The following YIPF4 variants were observed in gnomAD, a reference collection of about 807,000 sequenced individuals.
The protein encoded by YIPF4 is Yip1 domain family member 4, also known as protein YIPF4.
In YIPF4, 18 loss-of-function variants were observed where a neutral mutation model predicts 29.4. The ratio of observed to expected loss-of-function variants is 0.61; its 90% CI spans 0.42 to 0.91. YIPF4 has a LOEUF of 0.91. Ranked by LOEUF, YIPF4 falls within the 40% of genes least tolerant of loss-of-function variation. The pLI, the probability that YIPF4 is intolerant of heterozygous loss-of-function variation, is 0.00. For synonymous variants in YIPF4, 115 were observed against 104.7 expected (o/e 1.10, Z -0.60); for missense variants, 279 against 282.7 (o/e 0.99, Z 0.09).
chr2:32,292,140 T>G lies in YIPF4; in HGVS notation c.234-37T>G, dbSNP rs116603596. On this transcript the variant is annotated intron_variant, in intron 2 of 5. Coordinates refer to ENST00000238831, the MANE Select transcript of YIPF4 (RefSeq NM_032312.4). Reference sequence around the variant, plus strand: ...TTGGAATTGTTTTAGTATTCAGAAATGTGTGCCTTTTGAGAATTTTTATTT... The same window carrying G: ...TTGGAATTGTTTTAGTATTCAGAAAGGTGTGCCTTTTGAGAATTTTTATTT... 87 of 1,331,202 alleles carry G rather than the reference T, an allele frequency of 6.5e-5. No individual in the cohort carries two copies. The African/African-American group carries it at 1.1e-3, about 17-fold the overall frequency. 82.5% of individuals were successfully genotyped at this position (1,331,202 alleles called of 1,614,324 possible). A position where few individuals can be genotyped will look rare whatever the true frequency, so the allele number is the denominator to read the frequency against.
chr2:32,289,427 A>G (rs2030819868), intron 1 of YIPF4, among the ~76,000 whole-genome samples: 1 of 152,176 alleles, frequency 6.6e-6, no homozygotes, highest in African/African-American at 2.4e-5. Flanking sequence ...TTTTTAAGGA[A>G]GCTAACTTTG....
rs1469587430 is a variant in YIPF4, at chr2:32,293,730, A to G, written c.405+1382A>G. Among the ~76,000 whole-genome samples, 15 of 116,168 alleles carry G rather than the reference A, an allele frequency of 1.3e-4. No individual in the cohort carries two copies. The South Asian group carries it at 4.3e-3, about 33-fold the overall frequency. 76.2% of individuals were successfully genotyped at this position (116,168 alleles called of 152,430 possible). On this transcript the variant is annotated intron_variant, in intron 3 of 5. Coordinates refer to ENST00000238831, the MANE Select transcript of YIPF4 (RefSeq NM_032312.4). ...TGGCCGGGCGGGGGGCTGACCCCCC[A>G]ACCTCCCGGACGGGGCGGCTGGCCG...
intron 1 of YIPF4, among the ~76,000 whole-genome samples, chr2:32,284,477 C>A (rs890085968): frequency 1.3e-5 from 2 of 152,122 alleles, no homozygotes; most frequent in Admixed American, 1.3e-4. Context: ...ATAGTGAGTT[C>A]TCACAAGGTC....
At chr2:32,298,442 T>G in intron 4 of YIPF4, 131 bp downstream of exon 4, 1 of 625,460 alleles carries the variant, frequency 1.6e-6, no homozygotes, top group African/African-American at 1.8e-5. Flanking sequence ...TCCTTTAAGA[T>G]GATCAACATA....
intron 5 of YIPF4, 27 bp from the exon 6 acceptor site, chr2:32,305,462 C>T (rs746913517): frequency 6.9e-7 from 1 of 1,455,054 alleles, no homozygotes; most frequent in African/African-American, 1.4e-5. Flanking sequence ...AATATGCTGC[C>T]TTTTGTCTTT....
chr2:32,284,458 G>C (rs553933967), intron 1 of YIPF4, among the ~76,000 whole-genome samples: 1 of 152,128 alleles, frequency 6.6e-6, no homozygotes, highest in Non-Finnish European at 1.5e-5. Context: ...CCCTCTTGCT[G>C]TTCTTGTCAT....
intron 1 of YIPF4, among the ~76,000 whole-genome samples, chr2:32,279,631 G>A (rs1217728564): frequency 2.0e-5 from 3 of 147,442 alleles, no homozygotes; most frequent in African/African-American, 7.5e-5. Context: ...GGATGGTCTC[G>A]ATCTCCTGAC....
chr2:32,292,329 C>A lies in YIPF4; in HGVS notation c.386C>A (p.Ser129Ter). Residue 129 changes from serine to a stop codon, truncating the protein, a stop_gained, in exon 3 of 6, where the codon TCA becomes TAA. Coordinates refer to ENST00000238831, the MANE Select transcript of YIPF4 (RefSeq NM_032312.4). LOFTEE classifies it high-confidence loss of function. ...GTTGTTCTTTTCTTTTCCATGATAT[C>A]ATTATATGGACAGTTTAGGGTAAGT... is the stretch of plus-strand genomic sequence containing the variant. ...LAVVLFFSMI[S>*]LYGQFRVVSW... 6.3e-7 allele frequency: 1 copy of A among 1,596,024 alleles called. No individual in the cohort carries two copies. Among genetic ancestry groups the A allele is most frequent in the Non-Finnish European group, 8.5e-7 (1 of 1,171,848 alleles).
rs1434277490 is a variant in YIPF4 at position 32,306,052 on chromosome 2, T to C, written c.*426T>C. ...CACAGATCCTGCAGATATATATTTA[T>C]ATTTATACATATATATTTATGAAAT... On this transcript the variant is annotated 3_prime_UTR_variant, in exon 6 of 6. Coordinates refer to ENST00000238831, the MANE Select transcript of YIPF4 (RefSeq NM_032312.4). 1.2e-6 allele frequency: 1 copy of C among 826,526 alleles called. No individual in the cohort carries two copies. Among genetic ancestry groups the C allele is most frequent in the African/African-American group, 1.9e-5 (1 of 53,920 alleles). The allele number at this position is 826,526 out of a possible 1,614,324, so 51.2% of individuals were successfully genotyped here.
rs1455518884 is a variant in YIPF4 at position 32,312,284 on chromosome 2, C to CGA, written c.*6661_*6662dup. On this transcript the variant is annotated 3_prime_UTR_variant, in exon 6 of 6. Coordinates refer to ENST00000238831, the MANE Select transcript of YIPF4 (RefSeq NM_032312.4). ...TGGGCGGACCACGAGGTCAGGAGAT[C>CGA]GAGACCATCCTGGCTAACACGGTGA... 1.3e-5 allele frequency: 2 copies of CGA among 151,392 alleles called. No individual in the cohort carries two copies. Among genetic ancestry groups the CGA allele is most frequent in the South Asian group, 2.1e-4 (1 of 4,796 alleles). 9.4% of individuals were successfully genotyped at this position (151,392 alleles called of 1,614,324 possible).
At chr2:32,294,002 C>T (rs1355448074) in intron 3 of YIPF4, among the ~76,000 whole-genome samples, 2 of 147,018 alleles carry the variant, frequency 1.4e-5, no homozygotes, top group Admixed American at 1.3e-4. Context: ...CTGATCCCCC[C>T]ACCTCCCTCC....
chr2:32,302,906 A>G (rs2031454067), intron 5 of YIPF4, among the ~76,000 whole-genome samples: 1 of 152,200 alleles, frequency 6.6e-6, no homozygotes, highest in Non-Finnish European at 1.5e-5. Context: ...AGCATTGGGA[A>G]TCGAAAATGT....
intron 3 of YIPF4, among the ~76,000 whole-genome samples, chr2:32,292,864 A>G (rs1355890671): frequency 2.8e-3 from 72 of 26,158 alleles, no homozygotes; most frequent in African/African-American, 0.012. Context: ...CTCCATCTCA[A>G]AAAAAAAAAA....
intron 3 of YIPF4, among the ~76,000 whole-genome samples, chr2:32,293,771 C>T (rs528399658): frequency 6.0e-5 from 9 of 150,644 alleles, no homozygotes; most frequent in African/African-American, 2.2e-4. Flanking sequence ...AGGGGCTCCT[C>T]ACTTCCCAGT....
At chr2:32,286,553 A>T (rs945447136) in intron 1 of YIPF4, among the ~76,000 whole-genome samples, 9 of 148,316 alleles carry the variant, frequency 6.1e-5, no homozygotes, top group African/African-American at 2.0e-4. Context: ...TGAAAAAAAC[A>T]TTTTTTTTTT....
chr2:32,293,035 T>G (rs2030985974), intron 3 of YIPF4, among the ~76,000 whole-genome samples: 1 of 151,026 alleles, frequency 6.6e-6, no homozygotes, highest in Admixed American at 6.6e-5. Flanking sequence ...ACCTTTTTTT[T>G]GATTATTTTT....
intron 3 of YIPF4, among the ~76,000 whole-genome samples, chr2:32,293,692 C>T (rs1377156049): frequency 9.5e-4 from 145 of 152,192 alleles, no homozygotes; most frequent in African/African-American, 1.3e-3. Flanking sequence ...CCTCACCTCC[C>T]GGAAGGGGCG....
chr2:32,292,820 C>T (rs896710373), intron 3 of YIPF4, among the ~76,000 whole-genome samples: 21 of 144,046 alleles, frequency 1.5e-4, no homozygotes, highest in East Asian at 6.1e-4. Context: ...GCCAAGATCA[C>T]GCCACTGCAC....
intron 4 of YIPF4, among the ~76,000 whole-genome samples, chr2:32,300,444 A>G (rs1558480995): frequency 2.7e-5 from 4 of 149,494 alleles, no homozygotes; most frequent in African/African-American, 7.6e-5. Flanking sequence ...TAAAAAAAAA[A>G]AAAAAAAAAA....
Sources: gnomAD v4.1 joint callset for allele counts (sites outside exome capture counted in the v4.1 genomes callset) on GRCh38, gnomAD v4.1.1 for gene constraint, MANE v1.5 for transcripts, NCBI Gene and HGNC (gene_info 2026-07-23, HGNC 2026-07-21) for gene names.